The following KCNH1 variants were observed in gnomAD, a reference collection of about 807,000 sequenced individuals.
The protein encoded by KCNH1 is voltage-gated delayed rectifier potassium channel KCNH1.
KCNH1 carries 27 observed loss-of-function variants against 69.2 expected under a neutral mutation model. The ratio of observed to expected loss-of-function variants is 0.39; its 90% CI spans 0.29 to 0.54. The LOEUF is 0.54. Among genes scored for constraint, KCNH1 ranks in the 20% least tolerant of loss-of-function variants. The pLI, the probability that KCNH1 is intolerant of heterozygous loss-of-function variation, is 0.68. For synonymous variants in KCNH1, 456 were observed against 487.7 expected, an observed-to-expected ratio of 0.93 and a Z score of 0.86; for missense variants, 798 against 1,261.6, an observed-to-expected ratio of 0.63 and a Z score of 5.57.
intron 9 of KCNH1, among the ~76,000 whole-genome samples, chr1:210,794,136 AAAC>A (rs560462039): frequency 2.6e-4 from 39 of 152,352 alleles, no homozygotes; most frequent in African/African-American, 8.9e-4. Context: ...AATTATAGAA[AAAC>A]AACAAGAACA....
intron 5 of KCNH1, among the ~76,000 whole-genome samples, chr1:211,071,879 C>T (rs1267455410): frequency 6.6e-6 from 1 of 152,086 alleles, no homozygotes; most frequent in African/African-American, 2.4e-5. Context: ...TTCTCAGAAA[C>T]CATGCAAGCA....
At chr1:210,697,621 C>G (rs1681672911) in intron 10 of KCNH1, among the ~76,000 whole-genome samples, 1 of 152,270 alleles carries the variant, frequency 6.6e-6, no homozygotes, top group Non-Finnish European at 1.5e-5. Context: ...AATCCTTAGT[C>G]TGACCCTGGC....
chr1:210,844,924 CTACCATCAG>C (rs1685504111), intron 7 of KCNH1, among the ~76,000 whole-genome samples: 1 of 152,156 alleles, frequency 6.6e-6, no homozygotes, highest in Non-Finnish European at 1.5e-5. Context: ...GAAATACAAA[CTACCATCAG>C]AGAATACTAT....
At chr1:210,958,824 A>G (rs1330021162) in intron 6 of KCNH1, among the ~76,000 whole-genome samples, 1 of 152,068 alleles carries the variant, frequency 6.6e-6, no homozygotes, top group Non-Finnish European at 1.5e-5. Context: ...CCTTTTTTCA[A>G]GGTTTTTAGC....
At chr1:210,763,318 C>T (rs1481362971) in intron 10 of KCNH1, among the ~76,000 whole-genome samples, 2 of 152,024 alleles carry the variant, frequency 1.3e-5, no homozygotes, top group Non-Finnish European at 2.9e-5. Context: ...TAGAACAAAA[C>T]AAAGATGTTC....
intron 5 of KCNH1, among the ~76,000 whole-genome samples, chr1:211,066,089 G>A (rs1022480905): frequency 1.3e-5 from 2 of 152,004 alleles, no homozygotes; most frequent in Admixed American, 1.3e-4. Context: ...TGTGGAAAAA[G>A]TACACAAATG....
chr1:210,899,143 A>G (rs1001059583), intron 7 of KCNH1, among the ~76,000 whole-genome samples: 3 of 152,158 alleles, frequency 2.0e-5, no homozygotes, highest in East Asian at 1.9e-4. Flanking sequence ...GGGTCCTTAC[A>G]TTCAAAATTA....
At chr1:210,917,862 T>C (rs370953266) in intron 7 of KCNH1, among the ~76,000 whole-genome samples, 4 of 152,282 alleles carry the variant, frequency 2.6e-5, no homozygotes, top group African/African-American at 9.6e-5. Flanking sequence ...AGATCTTAAA[T>C]CCTTTTCTGT....
intron 7 of KCNH1, among the ~76,000 whole-genome samples, chr1:210,892,632 G>A (rs1250164131): frequency 6.6e-6 from 1 of 152,022 alleles, no homozygotes. Flanking sequence ...TGGTAAAAAT[G>A]GACCCAAAAA....
At chr1:211,113,534 AGTC>A (rs1691509861) in intron 1 of KCNH1, among the ~76,000 whole-genome samples, 3 of 152,146 alleles carry the variant, frequency 2.0e-5, no homozygotes, top group Non-Finnish European at 4.4e-5. Flanking sequence ...TTTCTATAAC[AGTC>A]CTGCTCCCAT....
intron 7 of KCNH1, among the ~76,000 whole-genome samples, chr1:210,852,231 T>C (rs575768028): frequency 6.6e-6 from 1 of 152,250 alleles, no homozygotes; most frequent in African/African-American, 2.4e-5. Flanking sequence ...CGGAACATCA[T>C]AGGCAAAGGC....
chr1:210,919,824 A>G lies in KCNH1; in HGVS notation c.1278T>C (p.Ile426=). The change falls in exon 7 of 11, where the codon ATT becomes ATC. Residue 426 remains isoleucine, a synonymous_variant. Coordinates refer to ENST00000271751, the MANE Select transcript of KCNH1 (RefSeq NM_172362.3). This position sits in a 1 kb window ranked among gnomAD's most constrained non-coding sequence, Gnocchi z 4.2. ...ACCCATTAAACTGGTAAGGGGTGCC[A>G]ATGTCCATCGCTAGTTGGTACAGCC... ...NSWLYQLAMD[I]GTPYQFNGSG... is the part of the protein sequence containing the mutation. 4 of 1,614,082 alleles carry G rather than the reference A, an allele frequency of 2.5e-6. No individual in the cohort carries two copies. The highest frequency in any genetic ancestry group is 3.4e-6 in the Non-Finnish European group (4 of 1,179,994).
At chr1:211,053,472 C>A (rs1228456088) in intron 5 of KCNH1, among the ~76,000 whole-genome samples, 2 of 152,162 alleles carry the variant, frequency 1.3e-5, no homozygotes, top group Non-Finnish European at 2.9e-5. Context: ...GCTGGAGCGA[C>A]AAGGAGCTGC....
chr1:210,791,101 C>T (rs975608335), intron 9 of KCNH1, among the ~76,000 whole-genome samples: 2 of 152,218 alleles, frequency 1.3e-5, no homozygotes, highest in African/African-American at 4.8e-5. Context: ...CTCTAGGCCT[C>T]TTATACAGAT....
intron 10 of KCNH1, among the ~76,000 whole-genome samples, chr1:210,692,827 C>T (rs1186556736): frequency 6.6e-6 from 1 of 152,194 alleles, no homozygotes; most frequent in Non-Finnish European, 1.5e-5. Flanking sequence ...GGAACCAAGG[C>T]AGTAGACAAC....
chr1:210,689,473 A>C (rs900095050), intron 10 of KCNH1, among the ~76,000 whole-genome samples: 1 of 152,232 alleles, frequency 6.6e-6, no homozygotes, highest in Non-Finnish European at 1.5e-5. Context: ...GAGGGCACCC[A>C]AGTGGGAGCA....
chr1:210,904,326 C>T (rs890790517), intron 7 of KCNH1, among the ~76,000 whole-genome samples: 11 of 152,150 alleles, frequency 7.2e-5, no homozygotes, highest in Non-Finnish European at 1.6e-4. Context: ...CCTTCTTGGG[C>T]TCTGTCCCCA....
At chr1:210,827,357 A>AG (rs1038780404) in intron 7 of KCNH1, among the ~76,000 whole-genome samples, 1 of 151,746 alleles carries the variant, frequency 6.6e-6, no homozygotes, top group Non-Finnish European at 1.5e-5. Flanking sequence ...AAAAGAAAAA[A>AG]AAGAAATATC....
At position 210,861,406 on chromosome 1, in the gene KCNH1, T is replaced by C. The variant is rs994009116; in HGVS notation, c.1463-57240A>G. 37 of 777,508 alleles carry C rather than the reference T, an allele frequency of 4.8e-5. No individual in the cohort carries two copies. In the African/African-American group the frequency reaches 5.8e-4, roughly 12 times the overall value. The allele number at this position is 777,508 out of a possible 1,614,324, so 48.2% of individuals were successfully genotyped here. A position where few individuals can be genotyped will look rare whatever the true frequency, so the allele number is the denominator to read the frequency against. ...CACCAACAACAAATTCCTTCAGAAA[T>C]ACTTGAGCAAATTCATTATACTCCT... is the stretch of plus-strand genomic sequence containing the variant. On this transcript the variant is annotated intron_variant, in intron 7 of 10. Transcript: ENST00000271751.
Sources: allele counts gnomAD v4.1 joint callset (sites outside exome capture counted in the v4.1 genomes callset), GRCh38; gene constraint gnomAD v4.1.1; non-coding constraint Gnocchi (gnomAD v3.1); transcripts MANE v1.5; gene names NCBI Gene and HGNC (gene_info 2026-07-23, HGNC 2026-07-21).